Variants in LRP1B observed in about 807,000 individuals in gnomAD.
LRP1B encodes the protein low-density lipoprotein receptor-related protein 1B.
Under a neutral mutation model 556.6 loss-of-function variants are expected in LRP1B, and 217 were observed. That is an observed-to-expected ratio of 0.39 (90% CI 0.35 to 0.44). The LOEUF (loss-of-function observed/expected upper bound fraction) is 0.44. LRP1B is among the 20% of genes least tolerant of loss of function. The pLI, the probability that LRP1B is intolerant of heterozygous loss-of-function variation, is 1.00. For synonymous variants in LRP1B, 2,047 were observed against 1,865.8 expected, an observed-to-expected ratio of 1.10 and a Z score of -2.50; for missense variants, 5,053 against 5,620.8, an observed-to-expected ratio of 0.90 and a Z score of 3.23.
At chr2:140,875,760 T>G (rs2105171941) in intron 25 of LRP1B, among the ~76,000 whole-genome samples, 1 of 152,336 alleles carries the variant, frequency 6.6e-6, no homozygotes. Context: ...TTGTCAATTG[T>G]GAAATGGTGT....
intron 1 of LRP1B, among the ~76,000 whole-genome samples, chr2:142,047,581 C>T (rs1401888912): frequency 1.3e-5 from 2 of 151,702 alleles, no homozygotes; most frequent in Admixed American, 6.6e-5. Flanking sequence ...AGAAATGTGA[C>T]AGAGACTGGT....
intron 15 of LRP1B, among the ~76,000 whole-genome samples, chr2:141,000,022 C>G (rs1697368257): frequency 6.6e-6 from 1 of 151,952 alleles, no homozygotes; most frequent in Admixed American, 6.6e-5. Context: ...CTCAAGAGAG[C>G]CCCTGACTCA....
rs1337576078 is a variant in LRP1B, at chr2:140,668,906, T to C, written c.6799+31344A>G. 2.6e-5 allele frequency among the ~76,000 whole-genome samples: 4 copies of C among 152,314 alleles called. No homozygotes were observed. In the East Asian group the frequency reaches 7.7e-4, roughly 29 times the overall value. On this transcript the variant is annotated intron_variant, in intron 41 of 90. Transcript: ENST00000389484. ...ATGTAAAATACGGGACTAAAAATTG[T>C]ATATTAAAGGTATTTATGTAAAACC...
intron 1 of LRP1B, among the ~76,000 whole-genome samples, chr2:142,077,385 T>A (rs1004926484): frequency 3.3e-5 from 5 of 152,138 alleles, no homozygotes; most frequent in African/African-American, 1.2e-4. Flanking sequence ...TAAATTTATA[T>A]CCCTGTAATC....
At chr2:140,770,389 A>G (rs1689269500) in intron 34 of LRP1B, among the ~76,000 whole-genome samples, 1 of 152,018 alleles carries the variant, frequency 6.6e-6, no homozygotes, top group African/African-American at 2.4e-5. Flanking sequence ...GTTATTTGGG[A>G]CTAATAGAAC....
At chr2:141,905,587 T>C (rs553674977) in intron 1 of LRP1B, among the ~76,000 whole-genome samples, 1 of 151,752 alleles carries the variant, frequency 6.6e-6, no homozygotes, top group South Asian at 2.1e-4. Flanking sequence ...TGATTGGAAG[T>C]GAGTATGGAT....
At chr2:141,660,604 C>T (rs1047589085) in intron 2 of LRP1B, among the ~76,000 whole-genome samples, 1 of 152,150 alleles carries the variant, frequency 6.6e-6, no homozygotes, top group Non-Finnish European at 1.5e-5. Context: ...TCCATCCCTT[C>T]TCACTGGGAA....
At chr2:140,679,335 A>AT (rs779951114) in intron 41 of LRP1B, among the ~76,000 whole-genome samples, 11 of 152,152 alleles carry the variant, frequency 7.2e-5, no homozygotes, top group Non-Finnish European at 7.4e-5. Flanking sequence ...GCTCATAACA[A>AT]TTTTTTTAAA....
At chr2:141,616,095 A>G (rs1262893065) in intron 2 of LRP1B, among the ~76,000 whole-genome samples, 1 of 152,112 alleles carries the variant, frequency 6.6e-6, no homozygotes, top group Non-Finnish European at 1.5e-5. Flanking sequence ...CATCCTGGCC[A>G]ACATGTTGAA....
chr2:142,021,390 A>G (rs1703326431), intron 1 of LRP1B, among the ~76,000 whole-genome samples: 1 of 152,154 alleles, frequency 6.6e-6, no homozygotes, highest in Non-Finnish European at 1.5e-5. Context: ...GTAAGTCATT[A>G]TGTTAAAATT....
intron 80 of LRP1B, 76 bp from the exon 81 acceptor site, chr2:140,324,142 G>GTA: frequency 1.1e-6 from 1 of 873,462 alleles, no homozygotes; most frequent in African/African-American, 1.7e-5. Flanking sequence ...TATCCAAGAC[G>GTA]ATATTGAAAA....
chr2:141,275,932 A>T (rs1685268627), intron 3 of LRP1B, among the ~76,000 whole-genome samples: 1 of 152,180 alleles, frequency 6.6e-6, no homozygotes. Flanking sequence ...ATACACATAC[A>T]CATATATAAA....
At chr2:140,297,434 A>G (rs1683654383) in intron 84 of LRP1B, among the ~76,000 whole-genome samples, 1 of 152,090 alleles carries the variant, frequency 6.6e-6, no homozygotes, top group South Asian at 2.1e-4. Flanking sequence ...AGGCCAGCCA[A>G]TATAATTATG....
intron 2 of LRP1B, among the ~76,000 whole-genome samples, chr2:141,672,417 T>C (rs1317751814): frequency 1.3e-5 from 2 of 152,136 alleles, no homozygotes; most frequent in Non-Finnish European, 2.9e-5. Flanking sequence ...GTACTTCTAG[T>C]TCAAATTTAG....
chr2:141,463,200 A>C (rs1422730628), intron 3 of LRP1B, among the ~76,000 whole-genome samples: 1 of 152,200 alleles, frequency 6.6e-6, no homozygotes, highest in Non-Finnish European at 1.5e-5. Context: ...AAAGCTTGAA[A>C]GAGTTGGAAC....
intron 66 of LRP1B, among the ~76,000 whole-genome samples, chr2:140,391,408 G>C (rs1684012980): frequency 6.6e-6 from 1 of 152,118 alleles, no homozygotes; most frequent in Non-Finnish European, 1.5e-5. Flanking sequence ...GGAGCATCAG[G>C]GAAGTATCTG....
chr2:141,123,696 A>C (rs1701125002), intron 7 of LRP1B, among the ~76,000 whole-genome samples: 2 of 152,292 alleles, frequency 1.3e-5, no homozygotes, highest in South Asian at 4.1e-4. Flanking sequence ...AGCCAGTTAA[A>C]TATTCCAATC....
chr2:140,796,218 T>C (rs1690308129), intron 32 of LRP1B, among the ~76,000 whole-genome samples: 1 of 152,082 alleles, frequency 6.6e-6, no homozygotes, highest in African/African-American at 2.4e-5. Context: ...ACAATCACTA[T>C]TTAATGCTTT....
At chr2:141,447,999 C>T (rs550873345) in intron 3 of LRP1B, among the ~76,000 whole-genome samples, 2 of 152,310 alleles carry the variant, frequency 1.3e-5, no homozygotes, top group East Asian at 3.9e-4. Context: ...TTTAAGTTGG[C>T]TGAAGCTGCA....
Sources: allele counts gnomAD v4.1 joint callset (sites outside exome capture counted in the v4.1 genomes callset), GRCh38; gene constraint gnomAD v4.1.1; transcripts MANE v1.5; gene names NCBI Gene and HGNC (gene_info 2026-07-23, HGNC 2026-07-21).